The following CBFA2T2 variants were observed in gnomAD, a reference collection of about 807,000 sequenced individuals.
The protein encoded by CBFA2T2 is CBFA2/RUNX1 partner transcriptional co-repressor 2.
A neutral mutation model predicts 62.2 loss-of-function variants in CBFA2T2; 11 were observed. That is an observed-to-expected ratio of 0.18 (90% CI 0.11 to 0.29). CBFA2T2 has a LOEUF of 0.29. Ranked by LOEUF, CBFA2T2 falls within the 10% of genes least tolerant of loss-of-function variation. CBFA2T2 has a pLI of 1.00. For synonymous variants in CBFA2T2, 295 were observed against 287.5 expected (o/e 1.03, Z -0.27); for missense variants, 592 against 774.1 (o/e 0.76, Z 2.79).
At chr20:33,629,964 C>A in intron 8 of CBFA2T2, 50 bp downstream of exon 8, 1 of 1,480,836 alleles carries the variant, frequency 6.8e-7, no homozygotes, top group Non-Finnish European at 9.1e-7. Flanking sequence ...GCCTTTAGAG[C>A]CCACCAATCT....
intron 4 of CBFA2T2, among the ~76,000 whole-genome samples, chr20:33,622,804 C>T (rs189661519): frequency 3.8e-4 from 58 of 152,264 alleles, no homozygotes; most frequent in African/African-American, 1.4e-3. Flanking sequence ...TCTTCAGAAG[C>T]GTATGTTTTA....
rs1273977719 is a variant in CBFA2T2 at position 33,619,252 on chromosome 20, G to A, written c.421-265G>A. Among the ~76,000 whole-genome samples the A allele has an allele frequency of 9.9e-5, 15 of 152,072 alleles. No homozygotes were observed. In the East Asian group the frequency reaches 2.9e-3, roughly 29 times the overall value. On this transcript the variant is annotated intron_variant, in intron 3 of 10. Transcript: ENST00000342704. The stretch of plus-strand genomic sequence containing the variant: ...CAAAATAAAAAGACCGGGCGCGGTG[G>A]CTCTCCCTTGTAATCCCACCACTTT...
At chr20:33,534,676 A>G (rs971183832) in intron 1 of CBFA2T2, among the ~76,000 whole-genome samples, 2 of 151,174 alleles carry the variant, frequency 1.3e-5, no homozygotes, top group African/African-American at 2.4e-5. Context: ...ATTTTCTCCC[A>G]GCGTATTACT....
At chr20:33,616,898 A>G (rs1330234736) in intron 3 of CBFA2T2, among the ~76,000 whole-genome samples, 5 of 152,198 alleles carry the variant, frequency 3.3e-5, no homozygotes, top group African/African-American at 1.2e-4. Context: ...TTCCTCAAGG[A>G]CAACACTGAT....
chr20:33,545,439 C>CCCTT (rs2012528488), intron 1 of CBFA2T2, among the ~76,000 whole-genome samples: 5 of 148,146 alleles, frequency 3.4e-5, no homozygotes, highest in African/African-American at 1.3e-4. Flanking sequence ...CTCTTTCTTT[C>CCCTT]TCTTTCTTTC....
intron 4 of CBFA2T2, among the ~76,000 whole-genome samples, chr20:33,621,445 C>T (rs1353769355): frequency 4.0e-5 from 6 of 151,414 alleles, no homozygotes; most frequent in South Asian, 2.1e-4. Context: ...TACAGGCACG[C>T]GCCACCACAC....
At chr20:33,562,572 GC>G in intron 1 of CBFA2T2, 1 of 985,844 alleles carries the variant, frequency 1.0e-6, no homozygotes, top group Non-Finnish European at 1.2e-6. Flanking sequence ...CTCCGATTGA[GC>G]TTTGAAGATT....
intron 1 of CBFA2T2, among the ~76,000 whole-genome samples, chr20:33,605,803 T>C (rs1351102710): frequency 6.6e-5 from 10 of 152,012 alleles, no homozygotes; most frequent in Admixed American, 2.0e-4. Context: ...ATATATAATT[T>C]AGTACATCAT....
intron 1 of CBFA2T2, among the ~76,000 whole-genome samples, chr20:33,585,050 A>G (rs1222574655): frequency 6.6e-6 from 1 of 152,018 alleles, no homozygotes. Flanking sequence ...TTTTTCTGTC[A>G]TGCTTGCAGG....
Position 33,646,945 on chromosome 20 carries a change from C to G in CBFA2T2, c.*2299C>G, listed in dbSNP as rs1032313436. 2.6e-5 allele frequency: 4 copies of G among 151,772 alleles called. No homozygotes were observed. The highest frequency in any genetic ancestry group is 5.9e-5 in the Non-Finnish European group (4 of 67,974). The allele number at this position is 151,772 out of a possible 1,614,324, so 9.4% of individuals were successfully genotyped here. ...AGCATTTTCAGTCTTACAAAGAAATCTAGTGCACGACACCTTTAAAATGCC... is the reference window on the plus strand; with the variant it reads ...AGCATTTTCAGTCTTACAAAGAAATGTAGTGCACGACACCTTTAAAATGCC... On this transcript the variant is annotated 3_prime_UTR_variant, in exon 11 of 11. Coordinates refer to ENST00000342704, the MANE Select transcript of CBFA2T2 (RefSeq NM_001032999.3).
At chr20:33,581,804 T>G (rs138632586) in intron 1 of CBFA2T2, among the ~76,000 whole-genome samples, 2 of 152,292 alleles carry the variant, frequency 1.3e-5, no homozygotes, top group African/African-American at 4.8e-5. Context: ...ATCAGTGAAC[T>G]AAGAGGTATG....
chr20:33,604,524 G>A (rs925944821), intron 1 of CBFA2T2, among the ~76,000 whole-genome samples: 1 of 152,174 alleles, frequency 6.6e-6, no homozygotes, highest in Admixed American at 6.5e-5. Flanking sequence ...GTAGGTTTTG[G>A]GTGGTGAAAT....
In CBFA2T2 at chr20:33,601,608, T is replaced by TATAAAAAAATTAA. The variant is rs1293170478; in HGVS notation, c.35-5348_35-5347insATAAAAAAATTAA. ...TAAAGCAATGGATTTAATGGCTTCC[T>TATAAAAAAATTAA]TGGCCAGCTTCTTTGGAATGATCAG... On this transcript the variant is annotated intron_variant, in intron 1 of 10. Transcript: ENST00000342704. Among the ~76,000 whole-genome samples the TATAAAAAAATTAA allele has an allele frequency of 2.2e-3, 328 of 152,246 alleles. 3 individuals are homozygous for TATAAAAAAATTAA. The highest frequency in any genetic ancestry group is 7.6e-3 in the African/African-American group (316 of 41,550).
chr20:33,517,731 C>G (rs1384638077), intron 1 of CBFA2T2, among the ~76,000 whole-genome samples: 2 of 150,738 alleles, frequency 1.3e-5, no homozygotes, highest in African/African-American at 4.9e-5. Flanking sequence ...TTGCAACCTC[C>G]GCCTCCCGGT....
chr20:33,629,124 T>G (rs2122352995), intron 7 of CBFA2T2, among the ~76,000 whole-genome samples: 1 of 152,346 alleles, frequency 6.6e-6, no homozygotes, highest in Middle Eastern at 3.4e-3. Context: ...TTGTTAAATT[T>G]TTATCAAAAG....
At chr20:33,528,047 T>G (rs1192619777) in intron 1 of CBFA2T2, among the ~76,000 whole-genome samples, 2 of 152,084 alleles carry the variant, frequency 1.3e-5, no homozygotes, top group African/African-American at 2.4e-5. Context: ...TTTCTTTTCT[T>G]TTTGTAGAGA....
At chr20:33,574,361 C>A in intron 1 of CBFA2T2, 1 of 1,148,474 alleles carries the variant, frequency 8.7e-7, no homozygotes, top group South Asian at 1.3e-5. Flanking sequence ...CATGGTGGCT[C>A]ACGCCTGTAA....
intron 10 of CBFA2T2, among the ~76,000 whole-genome samples, chr20:33,641,633 G>C (rs536655874): frequency 1.5e-4 from 23 of 152,310 alleles, no homozygotes; most frequent in Admixed American, 9.2e-4. Context: ...ACCGAGGCTG[G>C]AGTGCAATGG....
chr20:33,499,973 TA>T (rs889235225), intron 1 of CBFA2T2, among the ~76,000 whole-genome samples: 2 of 152,148 alleles, frequency 1.3e-5, no homozygotes, highest in African/African-American at 4.8e-5. Flanking sequence ...TTTTATTTTT[TA>T]TTTTTTTTAA....
Sources: allele counts gnomAD v4.1 joint callset (sites outside exome capture counted in the v4.1 genomes callset), GRCh38; gene constraint gnomAD v4.1.1; transcripts MANE v1.5; gene names NCBI Gene and HGNC (gene_info 2026-07-23, HGNC 2026-07-21).